Variants in EYA1 observed in about 807,000 individuals in gnomAD.
The protein encoded by EYA1 is EYA transcriptional coactivator and phosphatase 1.
Under a neutral mutation model 82.0 loss-of-function variants are expected in EYA1, and 16 were observed. The observed-to-expected ratio is 0.20, with a 90% CI of 0.13 to 0.30. EYA1 has a LOEUF of 0.30. Ranked by LOEUF, EYA1 falls within the 10% of genes least tolerant of loss-of-function variation. The probability of loss-of-function intolerance (pLI) is 1.00; values close to 1 mark genes in which losing one functional copy is unlikely to be tolerated. For missense variants in EYA1, 633 were observed against 730.7 expected, an observed-to-expected ratio of 0.87 and a Z score of 1.54; for synonymous variants, 261 against 264.4, an observed-to-expected ratio of 0.99 and a Z score of 0.12.
At chr8:71,271,952 G>A in intron 9 of EYA1, 55 bp from the exon 10 acceptor site, 3 of 1,598,174 alleles carry the variant, frequency 1.9e-6, no homozygotes, top group Non-Finnish European at 2.6e-6. Context: ...ATGGTGCCAA[G>A]ATTAGCCTTG....
intron 9 of EYA1, among the ~76,000 whole-genome samples, chr8:71,288,829 C>T (rs1342012060): frequency 6.6e-6 from 1 of 152,002 alleles, no homozygotes; most frequent in African/African-American, 2.4e-5. Context: ...TCAGCAGTCA[C>T]ATAAAACTGA....
At chr8:71,456,354 G>A (rs1807909876) in intron 2 of EYA1, among the ~76,000 whole-genome samples, 1 of 152,152 alleles carries the variant, frequency 6.6e-6, no homozygotes, top group East Asian at 1.9e-4. Flanking sequence ...TAGATTTAAT[G>A]TCATCCCCAT....
chr8:71,450,019 G>T (rs113903858), intron 2 of EYA1, among the ~76,000 whole-genome samples: 39 of 152,138 alleles, frequency 2.6e-4, no homozygotes, highest in Non-Finnish European at 5.0e-4. Context: ...GAGAGTTAGG[G>T]CCTTGTTCTA....
rs536947164 is a variant in EYA1 at position 71,512,775 on chromosome 8, C to A, written c.33+22969G>T. Among the ~76,000 whole-genome samples, 52 of 152,042 alleles carry A rather than the reference C, an allele frequency of 3.4e-4. 1 individual carries two copies. Among genetic ancestry groups the A allele is most frequent in the African/African-American group, 1.2e-3 (49 of 41,538 alleles). On this transcript the variant is annotated intron_variant, in intron 2 of 18. Coordinates refer to the EYA1 transcript ENST00000643681. ...TGAAATTATAATTAAACTTTCCAAT[C>A]AAAAAATAACACTAATTTCACATAA...
intron 11 of EYA1, among the ~76,000 whole-genome samples, chr8:71,268,162 A>G (rs1816093162): frequency 6.6e-6 from 1 of 151,452 alleles, no homozygotes; most frequent in Non-Finnish European, 1.5e-5. Flanking sequence ...GGCTAATAGA[A>G]TACTCTTAGA....
intron 2 of EYA1, among the ~76,000 whole-genome samples, chr8:71,439,153 AAG>A (rs1273171753): frequency 2.6e-5 from 4 of 152,266 alleles, no homozygotes; most frequent in African/African-American, 9.6e-5. Context: ...GAATCTCAGA[AAG>A]GTTAAAACCT....
At chr8:71,325,191 T>C (rs1476640818) in intron 4 of EYA1, among the ~76,000 whole-genome samples, 1 of 152,224 alleles carries the variant, frequency 6.6e-6, no homozygotes, top group Non-Finnish European at 1.5e-5. Flanking sequence ...CATGTACTTT[T>C]ATGTCTGATT....
chr8:71,393,900 A>G (rs183594656), intron 2 of EYA1, among the ~76,000 whole-genome samples: 2 of 152,220 alleles, frequency 1.3e-5, no homozygotes, highest in Non-Finnish European at 2.9e-5. Flanking sequence ...ACCAGTTTAC[A>G]GTCCCACCAA....
rs987942289 is a variant in EYA1, at chr8:71,303,890, A to C, written c.557-4170T>G. Among the ~76,000 whole-genome samples the C allele has an allele frequency of 2.1e-5, 3 of 142,246 alleles. 1 individual carries two copies. Among genetic ancestry groups the C allele is most frequent in the Admixed American group, 2.1e-4 (3 of 14,288 alleles). The allele number at this position is 142,246 out of a possible 152,430, so 93.3% of individuals were successfully genotyped here. ...TTTGCAGATAAGGAAACGGAGGGTC[A>C]GGTTACAGTAACACAGCTCCAAGGA... On this transcript the variant is annotated intron_variant, in intron 7 of 17. Coordinates refer to ENST00000340726, the MANE Select transcript of EYA1 (RefSeq NM_000503.6).
chr8:71,464,891 A>G (rs1347861691), intron 2 of EYA1, among the ~76,000 whole-genome samples: 1 of 152,144 alleles, frequency 6.6e-6, no homozygotes, highest in Admixed American at 6.5e-5. Flanking sequence ...TGCCTATTAC[A>G]TTTCTGAACA....
At chr8:71,260,393 C>A (rs1442868225) in intron 11 of EYA1, among the ~76,000 whole-genome samples, 7 of 152,056 alleles carry the variant, frequency 4.6e-5, no homozygotes, top group Non-Finnish European at 1.0e-4. Context: ...AATTCTTATC[C>A]TATTATTTTC....
intron 9 of EYA1, among the ~76,000 whole-genome samples, chr8:71,292,747 A>T (rs1167465585): frequency 6.6e-6 from 1 of 152,072 alleles, no homozygotes; most frequent in Non-Finnish European, 1.5e-5. Flanking sequence ...TGTGAAGTAA[A>T]TGAAAATGAA....
intron 2 of EYA1, among the ~76,000 whole-genome samples, chr8:71,374,889 C>T (rs1265548944): frequency 6.6e-6 from 1 of 152,034 alleles, no homozygotes; most frequent in East Asian, 1.9e-4. Flanking sequence ...ATAAGCCAGA[C>T]ACAGAAAGAT....
intron 3 of EYA1, among the ~76,000 whole-genome samples, chr8:71,348,767 A>G (rs1179473385): frequency 6.6e-6 from 1 of 152,186 alleles, no homozygotes; most frequent in African/African-American, 2.4e-5. Flanking sequence ...ATCCTAGAAC[A>G]TCCCAGGCAC....
In EYA1 at chr8:71,197,801, G is replaced by A. The variant is rs1056520549; in HGVS notation, c.*1539C>T. 1 of 152,576 alleles carries A rather than the reference G, an allele frequency of 6.6e-6. No individual in the cohort carries two copies. The highest frequency in any genetic ancestry group is 1.5e-5 in the Non-Finnish European group (1 of 68,034). 9.5% of individuals were successfully genotyped at this position (152,576 alleles called of 1,614,324 possible). On this transcript the variant is annotated 3_prime_UTR_variant, in exon 18 of 18. Transcript: ENST00000340726. ...TGATTAAAGAAGACTCATCCTAAGG[G>A]TAATTTCATGACAATGGATTGTGTT... is the stretch of plus-strand genomic sequence containing the variant.
chr8:71,287,744 G>GC (rs1818544738), intron 9 of EYA1, among the ~76,000 whole-genome samples: 1 of 152,198 alleles, frequency 6.6e-6, no homozygotes, highest in Admixed American at 6.5e-5. Flanking sequence ...GAGGCCAGGG[G>GC]CCTTGCCTTT....
chr8:71,346,456 C>CTA (rs1433880940), intron 3 of EYA1, among the ~76,000 whole-genome samples: 1 of 101,820 alleles, frequency 9.8e-6, no homozygotes, highest in Admixed American at 1.0e-4. Flanking sequence ...ATATATATAT[C>CTA]TATATATATC....
chr8:71,463,050 C>T (rs746435962), intron 2 of EYA1, among the ~76,000 whole-genome samples: 1 of 152,178 alleles, frequency 6.6e-6, no homozygotes, highest in Non-Finnish European at 1.5e-5. Flanking sequence ...ACTACCATTT[C>T]AACATATAAT....
intron 12 of EYA1, among the ~76,000 whole-genome samples, chr8:71,243,319 C>T (rs950114848): frequency 6.6e-6 from 1 of 152,026 alleles, no homozygotes; most frequent in Admixed American, 6.6e-5. Context: ...AAACAATTAT[C>T]AATCAGAAAC....
Sources: gnomAD v4.1 joint callset for allele counts (sites outside exome capture counted in the v4.1 genomes callset) on GRCh38, gnomAD v4.1.1 for gene constraint, MANE v1.5 for transcripts, NCBI Gene and HGNC (gene_info 2026-07-23, HGNC 2026-07-21) for gene names.